Variants in ISM1 observed in about 807,000 individuals in gnomAD.
ISM1 encodes isthmin 1, also known as isthmin-1.
ISM1 carries 25 observed loss-of-function variants against 46.3 expected under a neutral mutation model. That is an observed-to-expected ratio of 0.54 (90% CI 0.39 to 0.75). The LOEUF (loss-of-function observed/expected upper bound fraction) is 0.75, where lower values mean the gene tolerates loss of function less well. ISM1 is among the 30% of genes least tolerant of loss of function. The pLI is 0.00. For synonymous variants in ISM1, 255 were observed against 256.7 expected, an observed-to-expected ratio of 0.99 and a Z score of 0.06; for missense variants, 536 against 625.4, an observed-to-expected ratio of 0.86 and a Z score of 1.52.
At chr20:13,255,713 C>T (rs2039920553) in intron 1 of ISM1, among the ~76,000 whole-genome samples, 1 of 152,126 alleles carries the variant, frequency 6.6e-6, no homozygotes, top group Admixed American at 6.5e-5. Context: ...AATATCACTT[C>T]CTTCATTCTC....
the ISM1 span, among the ~76,000 whole-genome samples, chr20:13,320,254 T>C: frequency 2.0e-5 from 3 of 152,186 alleles, no homozygotes; most frequent in African/African-American, 7.2e-5. Context: ...AGAGTGTGAG[T>C]TGAGCAAAAA....
chr20:13,229,835 TC>T (rs939984579), intron 1 of ISM1, among the ~76,000 whole-genome samples: 6 of 152,142 alleles, frequency 3.9e-5, no homozygotes, highest in Non-Finnish European at 7.4e-5. Flanking sequence ...CAGAAATCCC[TC>T]TCTCTCTTCT....
chr20:13,313,872 A>G, the ISM1 span, among the ~76,000 whole-genome samples: 4 of 152,228 alleles, frequency 2.6e-5, no homozygotes, highest in Non-Finnish European at 4.4e-5. Context: ...TAAGGGCTCT[A>G]ATGAATAAAG....
chr20:13,267,307 G>A (rs377413741), intron 1 of ISM1, among the ~76,000 whole-genome samples: 1 of 152,296 alleles, frequency 6.6e-6, no homozygotes, highest in Middle Eastern at 3.4e-3. Context: ...GCCTGTGTCT[G>A]GGGGGCAGGG....
At chr20:13,287,451 T>TG (rs2040306393) in intron 3 of ISM1, among the ~76,000 whole-genome samples, 1 of 152,116 alleles carries the variant, frequency 6.6e-6, no homozygotes, top group Admixed American at 6.5e-5. Context: ...AAGATGTGGG[T>TG]GGGGAGACAG....
intron 1 of ISM1, among the ~76,000 whole-genome samples, chr20:13,238,737 C>T (rs879755067): frequency 4.6e-5 from 7 of 152,146 alleles, no homozygotes; most frequent in South Asian, 2.1e-4. Context: ...GTCACATCTA[C>T]GATCAAAATG....
At chr20:13,250,658 C>G (rs990675107) in intron 1 of ISM1, among the ~76,000 whole-genome samples, 6 of 152,168 alleles carry the variant, frequency 3.9e-5, no homozygotes, top group Admixed American at 3.9e-4. Flanking sequence ...TTTGGGAACC[C>G]CTGCTGTGGA....
intron 3 of ISM1, among the ~76,000 whole-genome samples, chr20:13,287,090 T>G (rs1412025234): frequency 1.7e-5 from 1 of 60,392 alleles, no homozygotes; most frequent in Non-Finnish European, 3.4e-5. Context: ...AGACTTTACT[T>G]TTGATAAGAG....
chr20:13,301,634 T>C (rs2040458937), downstream of ISM1, among the ~76,000 whole-genome samples: 1 of 152,146 alleles, frequency 6.6e-6, no homozygotes, highest in South Asian at 2.1e-4. Flanking sequence ...ACTGAACTAG[T>C]AGGAAGAGAA....
chr20:13,257,120 C>T lies in ISM1; in HGVS notation c.139-13384C>T, dbSNP rs548434638. ...GAAAGCTCGAGCCACAGGGAAATAACATGCTCAACATGAAGCTCCTCTTTT... is the reference window on the plus strand; with the variant it reads ...GAAAGCTCGAGCCACAGGGAAATAATATGCTCAACATGAAGCTCCTCTTTT... On this transcript the variant is annotated intron_variant, in intron 1 of 5. Transcript: ENST00000262487. Among the ~76,000 whole-genome samples the T allele has an allele frequency of 2.0e-5, 3 of 152,338 alleles. No homozygotes were observed. The East Asian group carries it at 5.8e-4, about 29-fold the overall frequency.
At position 13,232,443 on chromosome 20, in the gene ISM1, A is replaced by T. The variant is rs117095971; in HGVS notation, c.138+10529A>T. 3.8e-3 allele frequency among the ~76,000 whole-genome samples: 580 copies of T among 152,328 alleles called. 4 individuals carry two copies. Among genetic ancestry groups the T allele is most frequent in the Middle Eastern group, 0.017 (5 of 294 alleles). The stretch of plus-strand genomic sequence containing the variant: ...GATATGGCTTTTTGCTCATGTTGAG[A>T]TTCATTCATGTTGTTCTGTGCATAG... On this transcript the variant is annotated intron_variant, in intron 1 of 5. Transcript: ENST00000262487.
the ISM1 span, among the ~76,000 whole-genome samples, chr20:13,312,350 T>C: frequency 6.6e-6 from 1 of 152,178 alleles, no homozygotes; most frequent in African/African-American, 2.4e-5. Flanking sequence ...TATGGAAATG[T>C]CGTGGGTGAG....
Position 13,300,389 on chromosome 20 carries a change from T to A in ISM1, c.*930T>A, listed in dbSNP as rs768344088. ...TTTTAACAATTTTTTCATCTACCAA[T>A]ATATCCCCAATAAATAAATATAAAA... On this transcript the variant is annotated 3_prime_UTR_variant, in exon 6 of 6. Transcript: ENST00000262487. 6 of 151,962 alleles carry A rather than the reference T, an allele frequency of 3.9e-5. No individual in the cohort carries two copies. Among genetic ancestry groups the A allele is most frequent in the Non-Finnish European group, 5.9e-5 (4 of 67,996 alleles). 9.4% of individuals were successfully genotyped at this position (151,962 alleles called of 1,614,324 possible).
At chr20:13,237,450 G>A (rs145904745) in intron 1 of ISM1, among the ~76,000 whole-genome samples, 2 of 152,302 alleles carry the variant, frequency 1.3e-5, no homozygotes, top group East Asian at 1.9e-4. Context: ...GTTGAGTGAA[G>A]GAAACCAGGC....
At chr20:13,319,049 A>T in the ISM1 span, among the ~76,000 whole-genome samples, 2 of 152,228 alleles carry the variant, frequency 1.3e-5, no homozygotes, top group Non-Finnish European at 2.9e-5. Context: ...ATGTAGGTTC[A>T]TCAGTTGTAA....
chr20:13,266,653 G>T (rs1301235100), intron 1 of ISM1, among the ~76,000 whole-genome samples: 2 of 152,192 alleles, frequency 1.3e-5, no homozygotes. Context: ...AGGCCCCCTT[G>T]TGTCACTTTA....
chr20:13,310,049 C>T, the ISM1 span, among the ~76,000 whole-genome samples: 2 of 152,064 alleles, frequency 1.3e-5, no homozygotes, highest in African/African-American at 2.4e-5. Flanking sequence ...CAATCCCTAA[C>T]AAAATTCTGA....
At chr20:13,277,982 G>A (rs1160431784) in intron 2 of ISM1, among the ~76,000 whole-genome samples, 1 of 152,154 alleles carries the variant, frequency 6.6e-6, no homozygotes, top group Non-Finnish European at 1.5e-5. Flanking sequence ...GGATGGGCAC[G>A]CCCTGGTGCA....
intron 1 of ISM1, among the ~76,000 whole-genome samples, chr20:13,262,256 C>T (rs1207110179): frequency 6.6e-6 from 1 of 152,200 alleles, no homozygotes; most frequent in Non-Finnish European, 1.5e-5. Flanking sequence ...CCCCTGGTGG[C>T]CACTGGTGGC....
Sources: gnomAD v4.1 joint callset for allele counts (sites outside exome capture counted in the v4.1 genomes callset) on GRCh38, gnomAD v4.1.1 for gene constraint, MANE v1.5 for transcripts, NCBI Gene and HGNC (gene_info 2026-07-23, HGNC 2026-07-21) for gene names.